The following DHX57 variants were observed in gnomAD, a reference collection of about 807,000 sequenced individuals.
The protein encoded by DHX57 is DExH-box helicase 57, also known as putative ATP-dependent RNA helicase DHX57.
In DHX57, 105 loss-of-function variants were observed where a neutral mutation model predicts 156.2. That is an observed-to-expected ratio of 0.67 (90% CI 0.57 to 0.79). The LOEUF is 0.79. Ranked by LOEUF, DHX57 falls within the 30% of genes least tolerant of loss-of-function variation. DHX57 has a pLI of 0.00. For synonymous variants in DHX57, 704 were observed against 595.6 expected, an observed-to-expected ratio of 1.18 and a Z score of -2.65; for missense variants, 1,847 against 1,661.9, an observed-to-expected ratio of 1.11 and a Z score of -1.94.
chr2:38,846,931 C>A (rs889479915), intron 11 of DHX57, 88 bp downstream of exon 11: 2 of 1,124,102 alleles, frequency 1.8e-6, no homozygotes, highest in Middle Eastern at 2.5e-4. Flanking sequence ...AAAGATCCTC[C>A]CACCTTTGCC....
At chr2:38,858,207 A>C (rs1170577781) in intron 6 of DHX57, among the ~76,000 whole-genome samples, 1 of 152,060 alleles carries the variant, frequency 6.6e-6, no homozygotes, top group Admixed American at 6.6e-5. Flanking sequence ...GATTACAGGC[A>C]CCTGCCACCA....
At chr2:38,830,707 A>C (rs1200950984) in intron 13 of DHX57, among the ~76,000 whole-genome samples, 1 of 152,048 alleles carries the variant, frequency 6.6e-6, no homozygotes, top group East Asian at 1.9e-4. Context: ...CAGAGTTAGT[A>C]AGCATGGAGC....
intron 3 of DHX57, 172 bp from the exon 4 acceptor site, chr2:38,862,505 A>T (rs1673287946): frequency 1.8e-6 from 1 of 564,976 alleles, no homozygotes; most frequent in Non-Finnish European, 2.8e-6. Context: ...TTTACCAGGC[A>T]TTTATTAAAT....
At chr2:38,851,811 C>T (rs1672606145) in intron 9 of DHX57, among the ~76,000 whole-genome samples, 1 of 152,064 alleles carries the variant, frequency 6.6e-6, no homozygotes, top group Non-Finnish European at 1.5e-5. Context: ...ATTTAAATAC[C>T]ATTAATCTGA....
chr2:38,828,275 G>T (rs988645343), intron 14 of DHX57, 65 bp downstream of exon 14: 22 of 1,253,112 alleles, frequency 1.8e-5, no homozygotes, highest in Non-Finnish European at 2.5e-5. Flanking sequence ...GGTCTAAAGA[G>T]GGTGATGATA....
In DHX57 at chr2:38,868,183, T is replaced by C. The variant is rs1339880973; in HGVS notation, c.223A>G (p.Arg75Gly). 1 of 1,613,822 alleles carries C rather than the reference T, an allele frequency of 6.2e-7. No homozygotes were observed. The highest frequency in any genetic ancestry group is 8.5e-7 in the Non-Finnish European group (1 of 1,179,950). Residue 75 changes from arginine to glycine, a missense_variant and splice_region_variant, in exon 2 of 24, where the codon AGA becomes GGA. Transcript: ENST00000457308. ...AAACATTCAAAGAGTTATAATGACCTGGAAGGGCGCCTTGATTCACTGAAG... is the reference window on the plus strand; with the variant it reads ...AAACATTCAAAGAGTTATAATGACCCGGAAGGGCGCCTTGATTCACTGAAG... ...CIFSESRRPS[R>G]PSNSNISKGE... is the part of the protein sequence containing the mutation.
chr2:38,832,978 A>G (rs1671458405), intron 13 of DHX57, among the ~76,000 whole-genome samples: 1 of 125,240 alleles, frequency 8.0e-6, no homozygotes, highest in African/African-American at 3.0e-5. Context: ...AGAAATGTCT[A>G]TTCTTTTTTT....
At chr2:38,844,738 T>A (rs1363392045) in intron 11 of DHX57, among the ~76,000 whole-genome samples, 1 of 151,154 alleles carries the variant, frequency 6.6e-6, no homozygotes, top group Non-Finnish European at 1.5e-5. Flanking sequence ...AGCATTCAAG[T>A]TGGGTGTTAA....
intron 1 of DHX57, among the ~76,000 whole-genome samples, chr2:38,871,198 T>C (rs1276037588): frequency 6.6e-6 from 1 of 152,230 alleles, no homozygotes; most frequent in Non-Finnish European, 1.5e-5. Context: ...GTATTGTCTC[T>C]TCTTTTCTCT....
intron 14 of DHX57, 97 bp from the exon 15 acceptor site, chr2:38,826,786 A>G: frequency 7.6e-7 from 1 of 1,321,438 alleles, no homozygotes; most frequent in East Asian, 2.5e-5. Flanking sequence ...ATATGACTTC[A>G]GGTATTAGCA....
chr2:38,863,146 A>G (rs1012320973), intron 3 of DHX57: 2 of 505,810 alleles, frequency 4.0e-6, no homozygotes, highest in African/African-American at 1.9e-5. Flanking sequence ...GGAAAAAAAT[A>G]AAGATAAAAA....
chr2:38,816,177 T>A (rs1452019678), intron 19 of DHX57: 8 of 470,956 alleles, frequency 1.7e-5, no homozygotes, highest in Non-Finnish European at 3.1e-5. Context: ...TGCTGGCTCA[T>A]CTCTTTTCCT....
intron 21 of DHX57, among the ~76,000 whole-genome samples, chr2:38,809,050 C>T (rs937076956): frequency 1.4e-4 from 22 of 152,136 alleles, no homozygotes; most frequent in Admixed American, 4.6e-4. Context: ...CCTATCTTAG[C>T]CTCCCAAGTA....
In DHX57 at chr2:38,858,773, T is replaced by A. The variant is rs779605977; in HGVS notation, c.1475A>T (p.Glu492Val). The change falls in exon 6 of 24, where the codon GAG becomes GTG. Residue 492 changes from glutamate (E) to valine (V), a missense_variant. Transcript: ENST00000457308. ...EDDGPAPVIVENESYVNLKKK... is the reference protein window; with the variant it reads ...EDDGPAPVIVVNESYVNLKKK... ...CTTAAGGTTCACATAGCTTTCATTC[T>A]CTACTATAACAGGTGCAGGACCGTC... 3 of 1,614,162 alleles carry A rather than the reference T, an allele frequency of 1.9e-6. No individual in the cohort carries two copies. The highest frequency in any genetic ancestry group is 2.5e-6 in the Non-Finnish European group (3 of 1,180,014).
Position 38,815,521 on chromosome 2 carries a change from C to T in DHX57, c.3606G>A (p.Glu1202=). 6.2e-7 allele frequency: 1 copy of T among 1,613,944 alleles called. No individual in the cohort carries two copies. The highest frequency in any genetic ancestry group is 8.5e-7 in the Non-Finnish European group (1 of 1,179,914). The stretch of plus-strand genomic sequence containing the variant: ...TGAGAACCAACTCCACATTCTTTAC[C>T]TCTTCTCCTGTGGCATCTAAGACAC... ...GDGVLDATGE[E]ANSNAENPKL... Residue 1202 remains glutamate (E), a splice_region_variant and synonymous_variant, in exon 20 of 24, where the codon GAG becomes GAA. Coordinates refer to ENST00000457308, the MANE Select transcript of DHX57 (RefSeq NM_198963.3).
chr2:38,814,393 G>A (rs1670420666), intron 20 of DHX57, among the ~76,000 whole-genome samples: 2 of 152,110 alleles, frequency 1.3e-5, no homozygotes, highest in African/African-American at 4.8e-5. Context: ...CAGTCACATT[G>A]GACCCACTCC....
At chr2:38,833,660 A>G (rs1479133077) in intron 13 of DHX57, among the ~76,000 whole-genome samples, 2 of 152,198 alleles carry the variant, frequency 1.3e-5, no homozygotes, top group African/African-American at 4.8e-5. Flanking sequence ...TGTGTTTAGT[A>G]CAGTAGTAGT....
chr2:38,835,777 A>G (rs545520931), intron 13 of DHX57, among the ~76,000 whole-genome samples: 1 of 152,324 alleles, frequency 6.6e-6, no homozygotes, highest in African/African-American at 2.4e-5. Flanking sequence ...GCCTAAAACG[A>G]TAAACTGATG....
intron 23 of DHX57, among the ~76,000 whole-genome samples, chr2:38,801,357 C>T (rs1309371712): frequency 1.3e-5 from 2 of 152,078 alleles, no homozygotes; most frequent in Non-Finnish European, 2.9e-5. Context: ...CCTCCCACCT[C>T]AGCCTCTGGC....
Sources: allele counts gnomAD v4.1 joint callset (sites outside exome capture counted in the v4.1 genomes callset), GRCh38; gene constraint gnomAD v4.1.1; transcripts MANE v1.5; gene names NCBI Gene and HGNC (gene_info 2026-07-23, HGNC 2026-07-21).